GJA9: variants seen among roughly 807,000 people sequenced by gnomAD.
GJA9 encodes gap junction alpha-9 protein.
GJA9 carries 1 observed loss-of-function variant against 0.4 expected under a neutral mutation model. The ratio of observed to expected loss-of-function variants is 2.50; its 90% CI spans 0.89 to 11.88. The LOEUF (loss-of-function observed/expected upper bound fraction) is 11.88, where lower values mean the gene tolerates loss of function less well. GJA9 is among the 30% of genes most tolerant of loss of function. GJA9 has a pLI of 0.12. For synonymous variants in GJA9, 190 were observed against 219.1 expected (o/e 0.87, Z 1.17); for missense variants, 550 against 602.8 (o/e 0.91, Z 0.92).
chr1:38,877,079 G>T (rs1642600857), intron 1 of GJA9, among the ~76,000 whole-genome samples: 1 of 140,890 alleles, frequency 7.1e-6, no homozygotes, highest in Admixed American at 7.6e-5. Context: ...TCACTCTGTA[G>T]CCCAGGCTGG....
Position 38,874,657 on chromosome 1 carries a change from G to A in GJA9, c.1442C>T (p.Pro481Leu), listed in dbSNP as rs772498459. 1 of 1,614,152 alleles carries A rather than the reference G, an allele frequency of 6.2e-7. No homozygotes were observed. The highest frequency in any genetic ancestry group is 8.5e-7 in the Non-Finnish European group (1 of 1,180,026). ...ATTATTACAGGTTCTGACCAACCCT[G>A]GCTCAAAGGACAGCCCTCCCAAAGA... ...ADSLGGLSFE[P>L]GLVRTCNNPV... Residue 481 changes from proline to leucine, a missense_variant, in exon 2 of 2, where the codon CCA becomes CTA. Coordinates refer to ENST00000357771, the MANE Select transcript of GJA9 (RefSeq NM_030772.5).
intron 1 of GJA9, among the ~76,000 whole-genome samples, chr1:38,876,599 TAATA>T (rs1212069176): frequency 6.6e-6 from 1 of 152,080 alleles, no homozygotes; most frequent in African/African-American, 2.4e-5. Context: ...CTGTTACCAA[TAATA>T]TACTTAAATG....
At position 38,874,466 on chromosome 1, in the gene GJA9, CTGCCCCTATCTATTTTTTCTG is replaced by C; in HGVS notation, c.*64_*84del. ...CTGTCTTAACAGCTGGTCTTTAGAG[CTGCCCCTATCTATTTTTTCTG>C]TGCCCCACGACCACTAGGCTACTTC... On this transcript the variant is annotated 3_prime_UTR_variant, in exon 2 of 2. Transcript: ENST00000357771. The C allele has an allele frequency of 9.9e-7, 1 of 1,006,492 alleles. No individual in the cohort carries two copies. The highest frequency in any genetic ancestry group is 1.5e-5 in the South Asian group (1 of 65,232). 62.3% of individuals were successfully genotyped at this position (1,006,492 alleles called of 1,614,324 possible). A position where few individuals can be genotyped will look rare whatever the true frequency, so the allele number is the denominator to read the frequency against.
At chr1:38,880,815 C>T (rs1642685851) in intron 1 of GJA9, among the ~76,000 whole-genome samples, 1 of 151,990 alleles carries the variant, frequency 6.6e-6, no homozygotes, top group Admixed American at 6.6e-5. Flanking sequence ...AGTTAAGTCT[C>T]ATTTATGGTT....
chr1:38,879,453 C>G (rs1642652371), intron 1 of GJA9, among the ~76,000 whole-genome samples: 1 of 152,170 alleles, frequency 6.6e-6, no homozygotes, highest in African/African-American at 2.4e-5. Context: ...GAAACGGAAG[C>G]ACACCTTAAT....
chr1:38,877,245 G>T (rs1642604194), intron 1 of GJA9, among the ~76,000 whole-genome samples: 1 of 146,270 alleles, frequency 6.8e-6, no homozygotes, highest in South Asian at 2.2e-4. Flanking sequence ...CTCCATGTTG[G>T]CCAGGCTGGT....
Position 38,875,380 on chromosome 1 carries a change from CTT to C in GJA9, c.717_718del (p.Gly241AlafsTer12), listed in dbSNP as rs765664608. On this transcript the variant is annotated frameshift_variant, in exon 2 of 2. Transcript: ENST00000357771. LOFTEE classifies it low-confidence loss of function (END_TRUNC). ...CAACTTGTATTTTCCCCAAAGCCCT[CTT>C]TTAATCTTTTTAAAACCTAGGTGGA... The C allele has an allele frequency of 3.1e-6, 5 of 1,613,840 alleles. No homozygotes were observed. The South Asian group carries it at 5.5e-5, about 18-fold the overall frequency.
chr1:38,875,068 T>C lies in GJA9; in HGVS notation c.1031A>G (p.Gln344Arg). 6.2e-7 allele frequency: 1 copy of C among 1,614,194 alleles called. No individual in the cohort carries two copies. The highest frequency in any genetic ancestry group is 8.5e-7 in the Non-Finnish European group (1 of 1,180,024). ...STLSTSCSHFQHISSNNNKDT... is the reference protein window; with the variant it reads ...STLSTSCSHFRHISSNNNKDT... ...TTTGTTATTGTTTGAACTGATGTGT[T>C]GAAAATGACTACAACTAGTACTAAG... The change falls in exon 2 of 2, where the codon CAA becomes CGA. Residue 344 changes from glutamine (Q) to arginine (R), a missense_variant. Coordinates refer to ENST00000357771, the MANE Select transcript of GJA9 (RefSeq NM_030772.5).
chr1:38,876,156 C>A lies in GJA9; in HGVS notation c.-58G>T. The A allele has an allele frequency of 7.2e-7, 1 of 1,384,952 alleles. No individual in the cohort carries two copies. Among genetic ancestry groups the A allele is most frequent in the Non-Finnish European group, 1.0e-6 (1 of 993,176 alleles). The allele number at this position is 1,384,952 out of a possible 1,614,324, so 85.8% of individuals were successfully genotyped here. A position where few individuals can be genotyped will look rare whatever the true frequency, so the allele number is the denominator to read the frequency against. ...ACATCAAATAAGAGGCAGATAAATT[C>A]TTCCATTCTGAAGGGAGCACTATTT... On this transcript the variant is annotated 5_prime_UTR_variant, in exon 2 of 2. It introduces an in-frame stop codon into an upstream open reading frame of the 5' UTR. Transcript: ENST00000357771.
In GJA9 at chr1:38,875,214, TG is replaced by T. The variant is rs762134611; in HGVS notation, c.884del (p.Ala295GlufsTer6). ...NLLVEKQTHT[A>X]VYPSLNSSSV... ...AAGATGAATTTAAACTAGGGTACAC[TG>T]CAGTGTGTGTTTGCTTTTCCACTAA... On this transcript the variant is annotated frameshift_variant, in exon 2 of 2. Transcript: ENST00000357771. LOFTEE classifies it low-confidence loss of function (END_TRUNC). 5 of 1,614,072 alleles carry T rather than the reference TG, an allele frequency of 3.1e-6. No homozygotes were observed. The highest frequency in any genetic ancestry group is 4.2e-6 in the Non-Finnish European group (5 of 1,180,014).
chr1:38,877,319 G>A lies in GJA9; in HGVS notation c.-95-1126C>T, dbSNP rs1379582347. Reference sequence around the variant, plus strand: ...CTCCCAAAGTGCTGGGATTACAGGCGTGAGCCACCATGCCCAGCCTATTGT... The same window carrying A: ...CTCCCAAAGTGCTGGGATTACAGGCATGAGCCACCATGCCCAGCCTATTGT... On this transcript the variant is annotated intron_variant, in intron 1 of 1. Coordinates refer to ENST00000357771, the MANE Select transcript of GJA9 (RefSeq NM_030772.5). 4.6e-5 allele frequency among the ~76,000 whole-genome samples: 7 copies of A among 151,858 alleles called. No individual in the cohort carries two copies. The East Asian group carries it at 5.9e-4, about 13-fold the overall frequency.
Position 38,874,590 on chromosome 1 carries a change from ATTGT to A in GJA9, c.1505_1508del (p.Asn502IlefsTer40). ...CTGTGGGAACCCGCCTACCAATGAG[ATTGT>A]TCGTTAGGGACACTACGTGATTTGG... On this transcript the variant is annotated frameshift_variant, in exon 2 of 2. Transcript: ENST00000357771. LOFTEE classifies it high-confidence loss of function. 1 of 1,614,096 alleles carries A rather than the reference ATTGT, an allele frequency of 6.2e-7. No individual in the cohort carries two copies. Among genetic ancestry groups the A allele is most frequent in the Non-Finnish European group, 8.5e-7 (1 of 1,180,012 alleles).
At chr1:38,877,409 T>C in intron 1 of GJA9, among the ~76,000 whole-genome samples, 1 of 152,214 alleles carries the variant, frequency 6.6e-6, no homozygotes, top group Non-Finnish European at 1.5e-5. Flanking sequence ...CCTTATTTAT[T>C]AAGATTATTT....
Position 38,874,639 on chromosome 1 carries a change from CA to C in GJA9, c.1459del (p.Cys487ValfsTer11). 6.2e-7 allele frequency: 1 copy of C among 1,614,200 alleles called. No homozygotes were observed. Among genetic ancestry groups the C allele is most frequent in the South Asian group, 1.1e-5 (1 of 91,084 alleles). ...ATTTGGAGGACAAACAGGATTATTA[CA>C]GGTTCTGACCAACCCTGGCTCAAAG... ...LSFEPGLVRT[C>X]NNPVCPPNHV... On this transcript the variant is annotated frameshift_variant, in exon 2 of 2. Coordinates refer to ENST00000357771, the MANE Select transcript of GJA9 (RefSeq NM_030772.5). LOFTEE classifies it high-confidence loss of function.
At position 38,875,896 on chromosome 1, in the gene GJA9, TG is replaced by T. The variant is rs778778259; in HGVS notation, c.202del (p.Gln68ArgfsTer15). 16 of 1,614,112 alleles carry T rather than the reference TG, an allele frequency of 9.9e-6. No homozygotes were observed. Among genetic ancestry groups the T allele is most frequent in the Non-Finnish European group, 1.4e-5 (16 of 1,180,048 alleles). On this transcript the variant is annotated frameshift_variant, in exon 2 of 2. Coordinates refer to ENST00000357771, the MANE Select transcript of GJA9 (RefSeq NM_030772.5). LOFTEE classifies it low-confidence loss of function (END_TRUNC). The stretch of plus-strand genomic sequence containing the variant: ...TCTAATGAGGGAGATAGGAAAGGCC[TG>T]GTCGTAGCATACATTTCTGCAGCCT... ...QPGCRNVCYD[Q>X]AFPISLIRYW...
rs530483739 is a variant in GJA9, at chr1:38,875,238, T to C, written c.861A>G (p.Leu287=). 2 of 1,614,166 alleles carry C rather than the reference T, an allele frequency of 1.2e-6. No individual in the cohort carries two copies. Among genetic ancestry groups the C allele is most frequent in the South Asian group, 2.2e-5 (2 of 91,076 alleles). ...CTGCAGTGTGTGTTTGCTTTTCCACTAACAGATTATAATCAGGGGCAGAAG... is the reference window on the plus strand; with the variant it reads ...CTGCAGTGTGTGTTTGCTTTTCCACCAACAGATTATAATCAGGGGCAGAAG... ...RLPSAPDYNL[L]VEKQTHTAVY... The change falls in exon 2 of 2, where the codon TTA becomes TTG. Residue 287 remains leucine (L), a synonymous_variant. Transcript: ENST00000357771.
At chr1:38,877,929 GT>G (rs948646791) in intron 1 of GJA9, among the ~76,000 whole-genome samples, 2 of 152,090 alleles carry the variant, frequency 1.3e-5, no homozygotes, top group Admixed American at 6.6e-5. Flanking sequence ...ATTTAGATTA[GT>G]TTTTTTAATC....
At chr1:38,878,756 G>A (rs1479543633) in intron 1 of GJA9, among the ~76,000 whole-genome samples, 4 of 113,224 alleles carry the variant, frequency 3.5e-5, no homozygotes, top group Admixed American at 2.0e-4. Context: ...TTTTTGAGAC[G>A]AAGTTTCCCT....
chr1:38,880,587 G>A (rs56299758), intron 1 of GJA9, among the ~76,000 whole-genome samples: 23,087 of 151,014 alleles, frequency 0.15, 2,234 homozygotes, highest in Non-Finnish European at 0.22. Flanking sequence ...TTCGAGACCA[G>A]CCTGAGCAAC....
Sources: allele counts gnomAD v4.1 joint callset (sites outside exome capture counted in the v4.1 genomes callset), GRCh38; gene constraint gnomAD v4.1.1; transcripts MANE v1.5; gene names NCBI Gene and HGNC (gene_info 2026-07-23, HGNC 2026-07-21).